Variants in DMBT1 observed in about 807,000 individuals in gnomAD.
The protein encoded by DMBT1 is scavenger receptor cysteine-rich domain-containing protein DMBT1.
A neutral mutation model predicts 252.9 loss-of-function variants in DMBT1; 198 were observed. That is an observed-to-expected ratio of 0.78 (90% confidence interval 0.70 to 0.88). DMBT1 has a LOEUF of 0.88. DMBT1 is among the 40% of genes least tolerant of loss of function. DMBT1 has a pLI of 0.00. For missense variants in DMBT1, 2,432 were observed against 2,404.7 expected (o/e 1.01, Z -0.24); for synonymous variants, 990 against 942.7 (o/e 1.05, Z -0.92).
intron 16 of DMBT1, among the ~76,000 whole-genome samples, chr10:122,587,492 G>A (rs949386935): frequency 3.4e-5 from 5 of 148,698 alleles, no homozygotes; most frequent in Non-Finnish European, 7.5e-5. Context: ...GCCTTGTTAT[G>A]AATGCCTGTG....
chr10:122,576,645 A>T lies in DMBT1; in HGVS notation c.530A>T (p.Tyr177Phe). ...DDVRCSGHES[Y>F]LWSCPHNGWL... The stretch of plus-strand genomic sequence containing the variant: ...GTGCGCTGCTCAGGACACGAATCCT[A>T]CCTGTGGAGCTGCCCCCACAATGGC... The change falls in exon 7 of 56, where the codon TAC becomes TTC. Residue 177 changes from tyrosine (Y) to phenylalanine (F), a missense_variant. By Grantham distance (22) the Tyr-to-Phe change is conservative (BLOSUM62 3). Around this residue, in one of 3 missense-constraint regions of DMBT1, gnomAD observed 1,264 missense variants for 1,082.2 expected, o/e 1.17. Coordinates refer to ENST00000338354, the MANE Select transcript of DMBT1 (RefSeq NM_001377530.1). The T allele has an allele frequency of 6.2e-7, 1 of 1,613,774 alleles. No homozygotes were observed. Among genetic ancestry groups the T allele is most frequent in the Non-Finnish European group, 8.5e-7 (1 of 1,179,736 alleles).
At chr10:122,637,073 G>A in intron 53 of DMBT1, 55 bp from the exon 54 acceptor site, 1 of 1,543,472 alleles carries the variant, frequency 6.5e-7, no homozygotes, top group Non-Finnish European at 8.9e-7. Context: ...TGGCCCCGTA[G>A]GACTTGTGGA....
intron 2 of DMBT1, among the ~76,000 whole-genome samples, chr10:122,566,725 T>A (rs1475845338): frequency 1.3e-5 from 2 of 148,636 alleles, no homozygotes; most frequent in Non-Finnish European, 3.0e-5. Flanking sequence ...TTGATATATT[T>A]TTAAAAAATA....
chr10:122,572,286 A>G (rs747529657), intron 4 of DMBT1, 28 bp from the exon 5 acceptor site: 1 of 1,612,754 alleles, frequency 6.2e-7, no homozygotes, highest in Non-Finnish European at 8.5e-7. Flanking sequence ...GCTACCATCA[A>G]TGAGCTCTTC....
chr10:122,592,867 T>C (rs2097860774), intron 20 of DMBT1, among the ~76,000 whole-genome samples: 1 of 148,512 alleles, frequency 6.7e-6, no homozygotes. Context: ...AGAAAACTGC[T>C]GGCTCCCCAG....
At position 122,586,259 on chromosome 10, in the gene DMBT1, A is replaced by G; in HGVS notation, c.1659A>G (p.Ser553=). ...APGNARFGQG[S]GPIVLDDVRC... Reference sequence around the variant, plus strand: ...GAAATGCCCGGTTTGGTCAGGGCTCAGGACCCATTGTCCTGGATGACGTGC... The same window carrying G: ...GAAATGCCCGGTTTGGTCAGGGCTCGGGACCCATTGTCCTGGATGACGTGC... The change falls in exon 16 of 56, where the codon TCA becomes TCG. Residue 553 remains serine (S), a synonymous_variant. Coordinates refer to ENST00000338354, the MANE Select transcript of DMBT1 (RefSeq NM_001377530.1). 1 of 1,588,820 alleles carries G rather than the reference A, an allele frequency of 6.3e-7. No individual in the cohort carries two copies. Among genetic ancestry groups the G allele is most frequent in the Non-Finnish European group, 8.6e-7 (1 of 1,165,928 alleles).
chr10:122,631,267 G>A lies in DMBT1; in HGVS notation c.6332G>A (p.Gly2111Asp). 1.2e-6 allele frequency: 2 copies of A among 1,613,956 alleles called. No individual in the cohort carries two copies. Among genetic ancestry groups the A allele is most frequent in the Non-Finnish European group, 1.7e-6 (2 of 1,179,854 alleles). ...AACTGTAATCATCGTGAAGATGCTG[G>A]TGTCATCTGCTCAGGTATGGCCCAA... The part of the protein sequence containing the change: ...SHNCNHREDA[G>D]VICSGNHLST... Residue 2111 changes from glycine (G) to aspartate (D), a missense_variant, in exon 49 of 56, where the codon GGT (glycine) becomes GAT (aspartate). Around this residue, in one of 3 missense-constraint regions of DMBT1, gnomAD observed 1,162 missense variants for 1,169.0 expected, o/e 0.99. Coordinates refer to ENST00000338354, the MANE Select transcript of DMBT1 (RefSeq NM_001377530.1).
chr10:122,643,263 C>T lies in DMBT1; in HGVS notation c.7494C>T (p.Asp2498=), dbSNP rs1844895365. ...RCKMVVCRAY[D]PSSRCYRGCV... ...AAATGGTGGTGTGCAGAGCGTATGA[C>T]CCCTCTTCCCGCTGCTACCGAGGCT... The change falls in exon 56 of 56, where the codon GAC becomes GAT. Residue 2498 remains aspartate (D), a synonymous_variant. Coordinates refer to ENST00000338354, the MANE Select transcript of DMBT1 (RefSeq NM_001377530.1). The T allele has an allele frequency of 3.1e-6, 5 of 1,613,938 alleles. No individual in the cohort carries two copies. In the East Asian group the frequency reaches 6.7e-5, roughly 22 times the overall value.
chr10:122,638,267 G>A (rs942029048), intron 54 of DMBT1, among the ~76,000 whole-genome samples: 19 of 150,588 alleles, frequency 1.3e-4, no homozygotes, highest in African/African-American at 3.4e-4. Flanking sequence ...CTCCCTGAGC[G>A]GCCCCGCTGA....
chr10:122,564,093 A>T (rs890184072), intron 1 of DMBT1, among the ~76,000 whole-genome samples: 47 of 152,118 alleles, frequency 3.1e-4, no homozygotes, highest in African/African-American at 1.0e-3. Context: ...ATTTTCAGGG[A>T]TGCATAGCCA....
At chr10:122,590,183 C>T (rs1409813356) in intron 17 of DMBT1, among the ~76,000 whole-genome samples, 1 of 148,704 alleles carries the variant, frequency 6.7e-6, no homozygotes, top group African/African-American at 2.4e-5. Context: ...CCAAGTCTGG[C>T]CTGGGTTTTG....
At chr10:122,569,212 G>A (rs2097637303) in intron 2 of DMBT1, among the ~76,000 whole-genome samples, 1 of 152,112 alleles carries the variant, frequency 6.6e-6, no homozygotes, top group Non-Finnish European at 1.5e-5. Flanking sequence ...ACCACCCCCG[G>A]CCTGGGATAC....
In DMBT1 at chr10:122,592,776, G is replaced by A. The variant is rs943661422; in HGVS notation, c.2500+181G>A. On this transcript the variant is annotated intron_variant, in intron 20 of 55. Transcript: ENST00000338354. ...TACTACAGGGCTTGGTGTTCCTGTG[G>A]TCACTTAGGACAGGCCCCAAACTGA... 2.0e-5 allele frequency among the ~76,000 whole-genome samples: 3 copies of A among 148,718 alleles called. 1 individual carries two copies. The highest frequency in any genetic ancestry group is 4.5e-5 in the Non-Finnish European group (3 of 66,814).
intron 18 of DMBT1, among the ~76,000 whole-genome samples, chr10:122,590,997 T>G (rs1218497193): frequency 6.7e-6 from 1 of 148,426 alleles, no homozygotes; most frequent in African/African-American, 2.4e-5. Flanking sequence ...CATTCCTCAC[T>G]CCTTCAGACA....
At chr10:122,573,940 G>A (rs1387533871) in intron 6 of DMBT1, among the ~76,000 whole-genome samples, 178 bp downstream of exon 6, 1 of 152,190 alleles carries the variant, frequency 6.6e-6, no homozygotes, top group Non-Finnish European at 1.5e-5. Context: ...TCATGTCTGA[G>A]ACTGAGGAGG....
intron 1 of DMBT1, among the ~76,000 whole-genome samples, chr10:122,562,211 C>A (rs1041173948): frequency 6.8e-6 from 1 of 146,882 alleles, no homozygotes; most frequent in African/African-American, 2.5e-5. Flanking sequence ...CCTTTTTTTT[C>A]TTTTATGTCA....
At chr10:122,635,863 C>A (rs1158648219) in intron 52 of DMBT1, 128 bp from the exon 53 acceptor site, 3 of 982,306 alleles carry the variant, frequency 3.1e-6, no homozygotes, top group South Asian at 1.6e-5. Flanking sequence ...GCCAAGGAGA[C>A]CTATGACTTT....
rs554050989 is a variant in DMBT1, at chr10:122,578,584, C to A, written c.638-134C>A. 71 of 744,110 alleles carry A rather than the reference C, an allele frequency of 9.5e-5. 1 individual carries two copies. Among genetic ancestry groups the A allele is most frequent in the Middle Eastern group, 2.5e-4 (1 of 4,040 alleles). The allele number at this position is 744,110 out of a possible 1,614,324, so 46.1% of individuals were successfully genotyped here. A position where few individuals can be genotyped will look rare whatever the true frequency, so the allele number is the denominator to read the frequency against. Reference sequence around the variant, plus strand: ...TCCCTGGGCAGGAGACCTGGGCAGACACATGGGGAGCAAGTGGCCAGACCT... The same window carrying A: ...TCCCTGGGCAGGAGACCTGGGCAGAAACATGGGGAGCAAGTGGCCAGACCT... On this transcript the variant is annotated intron_variant, in intron 8 of 55. Coordinates refer to ENST00000338354, the MANE Select transcript of DMBT1 (RefSeq NM_001377530.1).
chr10:122,642,964 G>A lies in DMBT1; in HGVS notation c.7353-158G>A, dbSNP rs184752484. Among the ~76,000 whole-genome samples the A allele has an allele frequency of 4.5e-3, 683 of 152,218 alleles. 3 individuals carry two copies. The highest frequency in any genetic ancestry group is 6.0e-3 in the Non-Finnish European group (411 of 68,002). On this transcript the variant is annotated intron_variant, in intron 55 of 55. Coordinates refer to ENST00000338354, the MANE Select transcript of DMBT1 (RefSeq NM_001377530.1). Reference sequence around the variant, plus strand: ...CCAGGATTTCTCTGCAGGCCCCTCAGTGAGTGTCTGATCCACACGTTCTGA... The same window carrying A: ...CCAGGATTTCTCTGCAGGCCCCTCAATGAGTGTCTGATCCACACGTTCTGA...
Sources: allele counts gnomAD v4.1 joint callset (sites outside exome capture counted in the v4.1 genomes callset), GRCh38; gene constraint gnomAD v4.1.1; regional missense constraint gnomAD v4.1.1; transcripts MANE v1.5; gene names NCBI Gene and HGNC (gene_info 2026-07-23, HGNC 2026-07-21).